The following SCARA3 variants were observed in gnomAD, a reference collection of about 807,000 sequenced individuals.
SCARA3 encodes the protein scavenger receptor class A member 3, also known as cellular stress response gene protein.
Under a neutral mutation model 47.0 loss-of-function variants are expected in SCARA3, and 39 were observed. The ratio of observed to expected loss-of-function variants is 0.83; its 90% CI spans 0.64 to 1.08. The LOEUF (loss-of-function observed/expected upper bound fraction) is 1.08, where lower values mean the gene tolerates loss of function less well. Ranked by LOEUF, SCARA3 falls within the 50% of genes least tolerant of loss-of-function variation. The probability of loss-of-function intolerance (pLI) is 0.00; values close to 1 mark genes in which losing one functional copy is unlikely to be tolerated. For missense variants in SCARA3, 724 were observed against 792.3 expected (o/e 0.91, Z 1.04); for synonymous variants, 356 against 334.1 (o/e 1.07, Z -0.71).
chr8:27,707,968 C>T, the SCARA3 span, among the ~76,000 whole-genome samples: 1 of 152,178 alleles, frequency 6.6e-6, no homozygotes, highest in African/African-American at 2.4e-5. Flanking sequence ...GTTTGCCAGA[C>T]ATGCAAAGAT....
chr8:27,640,096 C>T (rs1381366689), intron 1 of SCARA3, among the ~76,000 whole-genome samples: 2 of 152,064 alleles, frequency 1.3e-5, no homozygotes, highest in Non-Finnish European at 1.5e-5. Context: ...GGGAGACTTG[C>T]TTTGAGAAGA....
intron 5 of SCARA3, among the ~76,000 whole-genome samples, chr8:27,659,860 AAAAAAAAAAAAAAAAAAGAG>A (rs2128921113): frequency 7.9e-6 from 1 of 126,526 alleles, no homozygotes; most frequent in South Asian, 3.1e-4. Context: ...AAAAAAAAAA[AAAAAAAAAAAAAAAAAAGAG>A]AGAGAGAGAG....
intron 1 of SCARA3, among the ~76,000 whole-genome samples, chr8:27,647,664 CT>C (rs1157463402): frequency 6.6e-6 from 1 of 152,166 alleles, no homozygotes; most frequent in African/African-American, 2.4e-5. Flanking sequence ...GAGCATTCTC[CT>C]AGGGAGAGCA....
chr8:27,730,954 A>T, the SCARA3 span, among the ~76,000 whole-genome samples: 1 of 150,748 alleles, frequency 6.6e-6, no homozygotes, highest in Non-Finnish European at 1.5e-5. Context: ...ATTCTTCCTG[A>T]TCCCAAAGCC....
At chr8:27,703,113 A>G in the SCARA3 span, 54,526 of 152,276 alleles carry the variant, frequency 0.36, 10,791 homozygotes, top group East Asian at 0.45. Context: ...GCCCTGGCCC[A>G]GGGTCCAGAG....
intron 1 of SCARA3, among the ~76,000 whole-genome samples, chr8:27,647,494 T>C (rs925864074): frequency 1.3e-5 from 2 of 152,030 alleles, no homozygotes; most frequent in Non-Finnish European, 2.9e-5. Flanking sequence ...AAATCCTTCA[T>C]TGGTTTATTT....
downstream of SCARA3, chr8:27,680,036 A>G (rs1411089497): frequency 6.6e-6 from 1 of 152,216 alleles, no homozygotes; most frequent in African/African-American, 2.4e-5. Context: ...TGAACTGGAT[A>G]GTATTGCAAA....
chr8:27,704,601 C>T, the SCARA3 span, among the ~76,000 whole-genome samples: 3 of 152,124 alleles, frequency 2.0e-5, no homozygotes, highest in South Asian at 2.1e-4. Flanking sequence ...CCTTCAGGTC[C>T]GTGTGAAAGA....
At chr8:27,700,113 AT>A in the SCARA3 span, among the ~76,000 whole-genome samples, 1 of 152,204 alleles carries the variant, frequency 6.6e-6, no homozygotes, top group Non-Finnish European at 1.5e-5. Context: ...TTTAAGAAAT[AT>A]GGTCATGAAA....
chr8:27,692,497 A>G, the SCARA3 span, among the ~76,000 whole-genome samples: 5 of 152,218 alleles, frequency 3.3e-5, no homozygotes, highest in East Asian at 3.9e-4. Context: ...GCAGGTCCTG[A>G]AAGAAATCAA....
the SCARA3 span, among the ~76,000 whole-genome samples, chr8:27,682,613 CAT>C: frequency 2.0e-4 from 30 of 152,064 alleles, no homozygotes; most frequent in African/African-American, 2.4e-5. Context: ...GAATATGTAA[CAT>C]GTGTAAAGAT....
chr8:27,646,734 A>T (rs1801501138), intron 1 of SCARA3, among the ~76,000 whole-genome samples: 1 of 152,168 alleles, frequency 6.6e-6, no homozygotes, highest in South Asian at 2.1e-4. Context: ...CAGAAACAGA[A>T]GGTACCAAGG....
At chr8:27,644,267 C>A (rs1415952658) in intron 1 of SCARA3, among the ~76,000 whole-genome samples, 1 of 152,076 alleles carries the variant, frequency 6.6e-6, no homozygotes, top group East Asian at 1.9e-4. Context: ...TTTCTAAGCA[C>A]CTTGCCTGCG....
downstream of SCARA3, among the ~76,000 whole-genome samples, chr8:27,680,196 A>C (rs1316149227): frequency 6.6e-6 from 1 of 152,066 alleles, no homozygotes; most frequent in Non-Finnish European, 1.5e-5. Context: ...ATTTAAACCC[A>C]AAATAAATTG....
At chr8:27,720,909 C>T in the SCARA3 span, among the ~76,000 whole-genome samples, 1 of 152,028 alleles carries the variant, frequency 6.6e-6, no homozygotes, top group Non-Finnish European at 1.5e-5. Context: ...ACCATTCATC[C>T]ATCCACCTGA....
chr8:27,673,364 G>A (rs555731163), downstream of SCARA3, among the ~76,000 whole-genome samples: 11 of 152,392 alleles, frequency 7.2e-5, no homozygotes, highest in South Asian at 1.7e-3. Context: ...AAGACAAGGA[G>A]ATAGAACAGG....
At chr8:27,638,667 G>C (rs1047045089) in intron 1 of SCARA3, among the ~76,000 whole-genome samples, 2 of 152,138 alleles carry the variant, frequency 1.3e-5, no homozygotes, top group Non-Finnish European at 2.9e-5. Flanking sequence ...CAGGTGCCCG[G>C]CTCTGTATGT....
the SCARA3 span, among the ~76,000 whole-genome samples, chr8:27,690,331 G>A: frequency 1.3e-5 from 2 of 152,074 alleles, no homozygotes; most frequent in African/African-American, 2.4e-5. Flanking sequence ...ATCTCAAAAC[G>A]CTCGTGCCCT....
At chr8:27,665,279 CTG>C (rs769973127) in intron 5 of SCARA3, among the ~76,000 whole-genome samples, 29 of 152,206 alleles carry the variant, frequency 1.9e-4, no homozygotes, top group Admixed American at 1.0e-3. Context: ...GTAAGACCAG[CTG>C]ATCTCTGAGA....
Sources: allele counts gnomAD v4.1 joint callset (sites outside exome capture counted in the v4.1 genomes callset), GRCh38; gene constraint gnomAD v4.1.1; transcripts MANE v1.5; gene names NCBI Gene and HGNC (gene_info 2026-07-23, HGNC 2026-07-21).